MDGA2: variants seen among roughly 807,000 people sequenced by gnomAD.
MDGA2 encodes MAM domain containing glycosylphosphatidylinositol anchor 2.
In MDGA2, 40 loss-of-function variants were observed where a neutral mutation model predicts 117.8. That is an observed-to-expected ratio of 0.34 (90% CI 0.26 to 0.44). The LOEUF is 0.44. Among genes scored for constraint, MDGA2 ranks in the 20% least tolerant of loss-of-function variants. MDGA2 has a pLI of 1.00. For synonymous variants in MDGA2, 452 were observed against 439.0 expected (o/e 1.03, Z -0.37); for missense variants, 1,123 against 1,250.6 (o/e 0.90, Z 1.54).
rs538306877 is a variant in MDGA2 at position 47,107,438 on chromosome 14, A to G, written c.926-10315T>C. Reference sequence around the variant, plus strand: ...CATTATTCTGTTCTAGATCTCAAACATGCTTTCTTTACTATTCCTTTGCAC... The same window carrying G: ...CATTATTCTGTTCTAGATCTCAAACGTGCTTTCTTTACTATTCCTTTGCAC... On this transcript the variant is annotated intron_variant, in intron 5 of 16. Transcript: ENST00000399232. Among the ~76,000 whole-genome samples the G allele has an allele frequency of 5.8e-4, 88 of 152,152 alleles. 1 individual carries two copies. Among genetic ancestry groups the G allele is most frequent in the Middle Eastern group, 3.4e-3 (1 of 292 alleles).
At chr14:47,435,407 T>C (rs1375808575) in intron 1 of MDGA2, among the ~76,000 whole-genome samples, 1 of 152,092 alleles carries the variant, frequency 6.6e-6, no homozygotes, top group Non-Finnish European at 1.5e-5. Context: ...AAATAGGGAT[T>C]GTGCACATTT....
intron 10 of MDGA2, among the ~76,000 whole-genome samples, chr14:46,903,126 A>G (rs74044912): frequency 9.5e-4 from 144 of 152,238 alleles, no homozygotes; most frequent in African/African-American, 3.3e-3. Flanking sequence ...CATTTTGCTA[A>G]GAGTTTTTGT....
At chr14:47,620,380 T>C (rs542239861) in intron 1 of MDGA2, among the ~76,000 whole-genome samples, 89 of 152,278 alleles carry the variant, frequency 5.8e-4, no homozygotes, top group African/African-American at 2.0e-3. Flanking sequence ...TCTTAGAAAA[T>C]TGTTGTTTAG....
At chr14:47,338,455 T>G (rs752130714) in intron 1 of MDGA2, among the ~76,000 whole-genome samples, 26 of 151,944 alleles carry the variant, frequency 1.7e-4, no homozygotes, top group Non-Finnish European at 3.2e-4. Flanking sequence ...TATATAGATA[T>G]GTTTATTTTT....
intron 8 of MDGA2, among the ~76,000 whole-genome samples, chr14:46,994,074 T>G (rs890551100): frequency 3.9e-5 from 6 of 152,082 alleles, no homozygotes; most frequent in African/African-American, 1.4e-4. Flanking sequence ...GATCAATCAA[T>G]CATACCTATA....
intron 1 of MDGA2, among the ~76,000 whole-genome samples, chr14:47,308,839 T>A (rs1426842232): frequency 6.6e-6 from 1 of 152,140 alleles, no homozygotes; most frequent in Non-Finnish European, 1.5e-5. Flanking sequence ...TCATTTGTAT[T>A]TCTAAAAGAA....
chr14:47,565,848 G>A (rs984556408), intron 1 of MDGA2, among the ~76,000 whole-genome samples: 4 of 152,272 alleles, frequency 2.6e-5, no homozygotes, highest in South Asian at 4.1e-4. Flanking sequence ...CCAGGTGTTC[G>A]TGCCAGCAGC....
chr14:47,327,312 G>A (rs1890172206), intron 1 of MDGA2, among the ~76,000 whole-genome samples: 1 of 152,224 alleles, frequency 6.6e-6, no homozygotes, highest in African/African-American at 2.4e-5. Context: ...GGGTTAGAGA[G>A]TGAGTATGGA....
chr14:47,175,344 C>CA (rs1481743401), intron 3 of MDGA2, among the ~76,000 whole-genome samples: 2 of 150,498 alleles, frequency 1.3e-5, no homozygotes, highest in African/African-American at 4.9e-5. Context: ...GAGACACAAC[C>CA]AAAAAAGAGA....
intron 1 of MDGA2, among the ~76,000 whole-genome samples, chr14:47,412,402 C>T (rs1892392421): frequency 6.6e-6 from 1 of 152,172 alleles, no homozygotes; most frequent in South Asian, 2.1e-4. Context: ...CCTCCTCAGC[C>T]TCCCTAGTAG....
intron 1 of MDGA2, among the ~76,000 whole-genome samples, chr14:47,333,037 C>T (rs1890337345): frequency 6.6e-6 from 1 of 151,872 alleles, no homozygotes; most frequent in Non-Finnish European, 1.5e-5. Context: ...TTTTCTTTAT[C>T]CAGTCATCTG....
chr14:47,444,447 A>T, intron 1 of MDGA2: 1 of 195,476 alleles, frequency 5.1e-6, no homozygotes, highest in Non-Finnish European at 1.1e-5. Context: ...TCTTTTTAGC[A>T]TTGTTATTGC....
intron 1 of MDGA2, among the ~76,000 whole-genome samples, chr14:47,318,972 C>T (rs145508060): frequency 3.2e-4 from 48 of 152,296 alleles, no homozygotes; most frequent in African/African-American, 9.6e-4. Context: ...AGGTCAATAT[C>T]TCTTATGGTA....
At chr14:47,428,448 C>T (rs1892733202) in intron 1 of MDGA2, among the ~76,000 whole-genome samples, 1 of 152,076 alleles carries the variant, frequency 6.6e-6, no homozygotes, top group Admixed American at 6.6e-5. Flanking sequence ...GATTAGTCTA[C>T]ATAAAGATTA....
chr14:46,955,000 T>C (rs746205936), intron 9 of MDGA2, among the ~76,000 whole-genome samples: 1 of 152,064 alleles, frequency 6.6e-6, no homozygotes, highest in Non-Finnish European at 1.5e-5. Context: ...TGATGGGACA[T>C]AATGGGGTAT....
intron 1 of MDGA2, among the ~76,000 whole-genome samples, chr14:47,396,675 G>A (rs1393336042): frequency 6.6e-6 from 1 of 152,112 alleles, no homozygotes; most frequent in Admixed American, 6.5e-5. Flanking sequence ...GTGGGTGAAG[G>A]ATATGAACAG....
chr14:47,043,322 T>C (rs1889143597), intron 7 of MDGA2, among the ~76,000 whole-genome samples: 1 of 152,128 alleles, frequency 6.6e-6, no homozygotes, highest in African/African-American at 2.4e-5. Flanking sequence ...AAGGTTGCTA[T>C]TGGATACTTA....
At chr14:47,236,117 C>T (rs1314131687) in intron 2 of MDGA2, among the ~76,000 whole-genome samples, 1 of 151,738 alleles carries the variant, frequency 6.6e-6, no homozygotes, top group Non-Finnish European at 1.5e-5. Context: ...AAGGTGAAAC[C>T]CCGTCTCTAC....
chr14:46,932,880 A>G (rs1157819451), intron 9 of MDGA2, among the ~76,000 whole-genome samples: 3 of 152,046 alleles, frequency 2.0e-5, no homozygotes, highest in African/African-American at 7.2e-5. Flanking sequence ...ATCACGAGAA[A>G]TATATAAAAA....
Sources: allele counts gnomAD v4.1 joint callset (sites outside exome capture counted in the v4.1 genomes callset), GRCh38; gene constraint gnomAD v4.1.1; transcripts MANE v1.5; gene names NCBI Gene and HGNC (gene_info 2026-07-23, HGNC 2026-07-21).